XIRP2: variants seen among roughly 807,000 people sequenced by gnomAD.
The protein encoded by XIRP2 is xin actin binding repeat containing 2.
Under a neutral mutation model 277.0 loss-of-function variants are expected in XIRP2, and 236 were observed. The ratio of observed to expected loss-of-function variants is 0.85; its 90% CI spans 0.77 to 0.95. XIRP2 has a LOEUF of 0.95. Among genes scored for constraint, XIRP2 ranks in the 40% least tolerant of loss-of-function variants. The probability of loss-of-function intolerance (pLI) is 0.00; values close to 1 mark genes in which losing one functional copy is unlikely to be tolerated. For missense variants in XIRP2, 4,640 were observed against 4,157.5 expected, an observed-to-expected ratio of 1.12 and a Z score of -3.19; for synonymous variants, 1,490 against 1,416.5, an observed-to-expected ratio of 1.05 and a Z score of -1.17.
At chr2:167,198,809 T>C (rs1380693930) in intron 3 of XIRP2, among the ~76,000 whole-genome samples, 1 of 152,214 alleles carries the variant, frequency 6.6e-6, no homozygotes, top group Non-Finnish European at 1.5e-5. Context: ...TAATGTTCGG[T>C]AAAGAAAGTG....
Position 167,136,092 on chromosome 2 carries a change from G to A in XIRP2, c.562+30G>A, listed in dbSNP as rs1691543249. Reference sequence around the variant, plus strand: ...GCATAACATTTTGATATGCTTTCTTGACATCATACCTTGTACAACATGAGT... The same window carrying A: ...GCATAACATTTTGATATGCTTTCTTAACATCATACCTTGTACAACATGAGT... On this transcript the variant is annotated intron_variant, in intron 3 of 10. Coordinates refer to ENST00000409195, the MANE Select transcript of XIRP2 (RefSeq NM_152381.6). 3.8e-6 allele frequency: 6 copies of A among 1,566,548 alleles called. No individual in the cohort carries two copies. The East Asian group carries it at 1.1e-4, about 30-fold the overall frequency.
At position 167,242,559 on chromosome 2, in the gene XIRP2, T is replaced by G. The variant is rs1695103357; in HGVS notation, c.1177-10T>G. On this transcript the variant is annotated splice_polypyrimidine_tract_variant and intron_variant, in intron 8 of 10. Coordinates refer to ENST00000409195, the MANE Select transcript of XIRP2 (RefSeq NM_152381.6). ...CACCTTTATAAGATTTGATTTTCTCTCCCCTAAAGACTGAAAGTGAATATG... is the reference window on the plus strand; with the variant it reads ...CACCTTTATAAGATTTGATTTTCTCGCCCCTAAAGACTGAAAGTGAATATG... 6.3e-7 allele frequency: 1 copy of G among 1,595,124 alleles called. No homozygotes were observed. The highest frequency in any genetic ancestry group is 1.3e-5 in the African/African-American group (1 of 74,314).
chr2:167,230,986 TTG>T (rs1694731795), intron 5 of XIRP2, among the ~76,000 whole-genome samples: 1 of 152,112 alleles, frequency 6.6e-6, no homozygotes, highest in African/African-American at 2.4e-5. Context: ...ACTCCCCTAG[TTG>T]CTCGTAGATA....
chr2:167,185,329 T>G lies in XIRP2; in HGVS notation c.563-25406T>G, dbSNP rs1215365239. The stretch of plus-strand genomic sequence containing the variant: ...CCTGACCATTTTTTGTTGGTCTTAA[T>G]GTATAATCATTGGGTTTTTGTACTA... On this transcript the variant is annotated intron_variant, in intron 3 of 10. Coordinates refer to ENST00000409195, the MANE Select transcript of XIRP2 (RefSeq NM_152381.6). Among the ~76,000 whole-genome samples, 3 of 152,154 alleles carry G rather than the reference T, an allele frequency of 2.0e-5. No homozygotes were observed. In the East Asian group the frequency reaches 5.8e-4, roughly 29 times the overall value.
intron 3 of XIRP2, among the ~76,000 whole-genome samples, chr2:167,175,182 GC>G (rs1475880899): frequency 2.0e-5 from 3 of 152,064 alleles, no homozygotes; most frequent in African/African-American, 7.3e-5. Flanking sequence ...ACAGTGGGGT[GC>G]TAAATTCTCC....
intron 3 of XIRP2, among the ~76,000 whole-genome samples, chr2:167,161,888 C>T (rs1010111458): frequency 9.2e-5 from 14 of 152,258 alleles, no homozygotes; most frequent in Admixed American, 2.0e-4. Flanking sequence ...CCTTATAAAA[C>T]GGAATGCCTG....
At chr2:166,979,546 A>G (rs1686813280) in intron 2 of XIRP2, among the ~76,000 whole-genome samples, 1 of 151,622 alleles carries the variant, frequency 6.6e-6, no homozygotes, top group African/African-American at 2.4e-5. Context: ...TTATCAGACT[A>G]AAAAAGTTCT....
At chr2:166,998,823 G>A (rs1021345154) in intron 2 of XIRP2, among the ~76,000 whole-genome samples, 1 of 152,056 alleles carries the variant, frequency 6.6e-6, no homozygotes, top group Admixed American at 6.6e-5. Flanking sequence ...GTTTTCTCCT[G>A]GTGCCCCCTT....
At chr2:167,053,433 A>T (rs552471041) in intron 2 of XIRP2, among the ~76,000 whole-genome samples, 2 of 152,150 alleles carry the variant, frequency 1.3e-5, no homozygotes, top group South Asian at 4.2e-4. Context: ...ATGTTTTTTT[A>T]AAAATCTAAT....
chr2:167,199,421 A>C (rs1449630968), intron 3 of XIRP2, among the ~76,000 whole-genome samples: 1 of 152,232 alleles, frequency 6.6e-6, no homozygotes, highest in Admixed American at 6.5e-5. Flanking sequence ...GAATGCCAAC[A>C]GCATACTTGG....
chr2:166,933,117 G>A (rs1374352168), intron 2 of XIRP2, among the ~76,000 whole-genome samples: 3 of 150,876 alleles, frequency 2.0e-5, no homozygotes, highest in Admixed American at 6.6e-5. Context: ...TGCACCTTCT[G>A]GAATTTTAAT....
chr2:167,060,809 T>A (rs1049343785), intron 2 of XIRP2, among the ~76,000 whole-genome samples: 15 of 152,176 alleles, frequency 9.9e-5, no homozygotes, highest in African/African-American at 3.1e-4. Flanking sequence ...TAAGTCATTC[T>A]TTTTCAAAAT....
intron 2 of XIRP2, among the ~76,000 whole-genome samples, chr2:167,044,751 A>T (rs1461035279): frequency 6.6e-6 from 1 of 152,066 alleles, no homozygotes; most frequent in Non-Finnish European, 1.5e-5. Flanking sequence ...GAAATCAGAG[A>T]TTACACAAAC....
At chr2:167,129,223 A>G (rs1691303358) in intron 2 of XIRP2, among the ~76,000 whole-genome samples, 1 of 152,226 alleles carries the variant, frequency 6.6e-6, no homozygotes, top group African/African-American at 2.4e-5. Context: ...TTATGCTTCT[A>G]TTAATATTTT....
At chr2:166,988,658 G>C (rs71428959) in intron 2 of XIRP2, among the ~76,000 whole-genome samples, 1 of 110,508 alleles carries the variant, frequency 9.0e-6, no homozygotes, top group Admixed American at 9.1e-5. Context: ...CCTGGGAAGC[G>C]CAAGGGGTCA....
At chr2:166,988,469 G>C (rs1435562943) in intron 2 of XIRP2, among the ~76,000 whole-genome samples, 1 of 134,406 alleles carries the variant, frequency 7.4e-6, no homozygotes, top group Admixed American at 6.9e-5. Context: ...GAGCCAAGAT[G>C]GCCGAATAGG....
chr2:167,125,682 A>C (rs1257492524), intron 2 of XIRP2, among the ~76,000 whole-genome samples: 3 of 152,228 alleles, frequency 2.0e-5, no homozygotes, highest in Non-Finnish European at 4.4e-5. Flanking sequence ...ATTTCTGAGT[A>C]GGAAAGTTAG....
chr2:167,123,184 C>T (rs538567613), intron 2 of XIRP2, among the ~76,000 whole-genome samples: 39 of 152,136 alleles, frequency 2.6e-4, no homozygotes, highest in Non-Finnish European at 4.9e-4. Context: ...GTGAGCTTTC[C>T]ACTCACTGAG....
chr2:166,914,466 G>A (rs188879451), intron 2 of XIRP2, among the ~76,000 whole-genome samples: 120 of 152,012 alleles, frequency 7.9e-4, no homozygotes, highest in African/African-American at 2.4e-3. Flanking sequence ...TCAGCCTCCC[G>A]AGTAGCTGGG....
Sources: gnomAD v4.1 joint callset for allele counts (sites outside exome capture counted in the v4.1 genomes callset) on GRCh38, gnomAD v4.1.1 for gene constraint, MANE v1.5 for transcripts, NCBI Gene and HGNC (gene_info 2026-07-23, HGNC 2026-07-21) for gene names.